NAV1: variants seen among roughly 807,000 people sequenced by gnomAD.
The protein encoded by NAV1 is pore membrane and/or filament interacting like protein 3.
A neutral mutation model predicts 175.2 loss-of-function variants in NAV1; 18 were observed. That is an observed-to-expected ratio of 0.10 (90% confidence interval 0.07 to 0.15). NAV1 has a LOEUF of 0.15. Ranked by LOEUF, NAV1 falls within the 10% of genes least tolerant of loss-of-function variation. The pLI is 1.00. For synonymous variants in NAV1, 897 were observed against 978.7 expected (o/e 0.92, Z 1.56); for missense variants, 1,731 against 2,436.6 (o/e 0.71, Z 6.10).
At chr1:201,762,409 G>A (rs968295287) in intron 3 of NAV1, among the ~76,000 whole-genome samples, 2 of 152,194 alleles carry the variant, frequency 1.3e-5, no homozygotes, top group African/African-American at 4.8e-5. Context: ...GCCAAATCCA[G>A]TCCACTGCCT....
chr1:201,756,128 T>TGGTGTAG, intron 3 of NAV1, among the ~76,000 whole-genome samples: 1 of 121,808 alleles, frequency 8.2e-6, no homozygotes, highest in African/African-American at 3.2e-5. Flanking sequence ...AAAAAAAAAG[T>TGGTGTAG]GGTGTAGGGT....
chr1:201,581,709 A>T (rs973462971), intron 1 of NAV1, among the ~76,000 whole-genome samples: 1 of 151,640 alleles, frequency 6.6e-6, no homozygotes, highest in East Asian at 1.9e-4. Context: ...GGCGCCTGTT[A>T]TCCCAGCTAC....
chr1:201,546,222 C>G (rs953307623), intron 1 of NAV1, among the ~76,000 whole-genome samples: 2 of 152,240 alleles, frequency 1.3e-5, no homozygotes, highest in East Asian at 3.8e-4. Flanking sequence ...CTGGATTGCA[C>G]GGCATACCCT....
chr1:201,739,007 C>A (rs1456078863), intron 3 of NAV1, among the ~76,000 whole-genome samples: 4 of 152,152 alleles, frequency 2.6e-5, no homozygotes, highest in East Asian at 3.9e-4. Context: ...TAATTCCCCC[C>A]ACAGGGCTCC....
At chr1:201,709,672 G>A (rs1295602600) in intron 1 of NAV1, among the ~76,000 whole-genome samples, 1 of 152,160 alleles carries the variant, frequency 6.6e-6, no homozygotes, top group Non-Finnish European at 1.5e-5. Flanking sequence ...GCCACTGCTG[G>A]GGCACAGAGG....
chr1:201,742,164 G>C (rs559941155), intron 3 of NAV1, among the ~76,000 whole-genome samples: 1 of 152,292 alleles, frequency 6.6e-6, no homozygotes, highest in East Asian at 1.9e-4. Context: ...ATTCACAGAG[G>C]GGGAGCTTAG....
Position 201,782,772 on chromosome 1 carries a change from T to C in NAV1, c.2260T>C (p.Ser754Pro), listed in dbSNP as rs1433060234. Residue 754 changes from serine to proline, a missense_variant, in exon 6 of 30, where the codon TCC becomes CCC. Ser to Pro is a moderately conservative substitution (Grantham distance 74). This residue lies in a region of NAV1 where 634 missense variants were observed against 766.8 expected (regional missense o/e 0.83). Transcript: ENST00000367296. The surrounding 1 kb of genome is among the most constrained non-coding windows in gnomAD (Gnocchi z 5.4). ...AGTGGCCTTGGACTCAGACAACATC[T>C]CCTTGAAGAGTATTGGCTCCCCAGA... 1 of 1,613,834 alleles carries C rather than the reference T, an allele frequency of 6.2e-7. No individual in the cohort carries two copies. The highest frequency in any genetic ancestry group is 1.1e-5 in the South Asian group (1 of 91,060).
chr1:201,581,551 G>A (rs552275359), intron 1 of NAV1, among the ~76,000 whole-genome samples: 5 of 152,228 alleles, frequency 3.3e-5, no homozygotes, highest in Admixed American at 6.5e-5. Flanking sequence ...AGCTCCGGCC[G>A]GGCGCGGTGG....
chr1:201,585,515 A>C (rs775894240), intron 1 of NAV1, among the ~76,000 whole-genome samples: 11 of 152,220 alleles, frequency 7.2e-5, no homozygotes, highest in Non-Finnish European at 1.5e-4. Flanking sequence ...AATATTGAGA[A>C]AGTGAAAAGA....
At position 201,810,650 on chromosome 1, in the gene NAV1, C is replaced by A. The variant is rs758904518; in HGVS notation, c.4689C>A (p.Gly1563=). 1.4e-5 allele frequency: 22 copies of A among 1,614,032 alleles called. No individual in the cohort carries two copies. In the Admixed American group the frequency reaches 2.5e-4, roughly 18 times the overall value. Residue 1563 remains glycine (G), a synonymous_variant, in exon 24 of 30, where the codon GGC becomes GGA. Transcript: ENST00000367296. This position sits in a 1 kb window ranked among gnomAD's most constrained non-coding sequence, Gnocchi z 6.0. ...TCCTCTCGGGCCCCAGCGGCACGGGCAAGACCTACCTGACCAATCGCTTGG... is the reference window on the plus strand; with the variant it reads ...TCCTCTCGGGCCCCAGCGGCACGGGAAAGACCTACCTGACCAATCGCTTGG...
At chr1:201,610,277 A>G (rs1667807582) in intron 2 of NAV1, among the ~76,000 whole-genome samples, 1 of 152,226 alleles carries the variant, frequency 6.6e-6, no homozygotes, top group East Asian at 1.9e-4. Context: ...CTGAAAGTGG[A>G]GTCATTCACG....
chr1:201,672,136 T>C (rs767272965), intron 1 of NAV1, among the ~76,000 whole-genome samples: 7 of 146,234 alleles, frequency 4.8e-5, no homozygotes, highest in Non-Finnish European at 1.0e-4. Context: ...GCACTGTATT[T>C]GAAACGTTTT....
intron 2 of NAV1, among the ~76,000 whole-genome samples, chr1:201,631,071 G>A (rs77867567): frequency 0.035 from 5,391 of 152,246 alleles, 127 homozygotes; most frequent in Middle Eastern, 0.12. Flanking sequence ...GGTACCTCTG[G>A]GGGGACAGAG....
chr1:201,616,540 T>C (rs953170437), intron 2 of NAV1, among the ~76,000 whole-genome samples: 1 of 151,990 alleles, frequency 6.6e-6, no homozygotes, highest in African/African-American at 2.4e-5. Flanking sequence ...CAGGCTGGAG[T>C]GCAATAGCGC....
intron 2 of NAV1, among the ~76,000 whole-genome samples, chr1:201,599,111 C>A (rs1488356937): frequency 6.6e-6 from 1 of 152,184 alleles, no homozygotes; most frequent in African/African-American, 2.4e-5. Context: ...ACAGCCTCCC[C>A]ACTTGGGCTT....
At chr1:201,642,736 TTCCC>T (rs889125032) in intron 2 of NAV1, among the ~76,000 whole-genome samples, 12 of 146,400 alleles carry the variant, frequency 8.2e-5, no homozygotes, top group African/African-American at 2.0e-4. Context: ...CCTTCCTTTC[TTCCC>T]TCCCTCCCTC....
intron 3 of NAV1, among the ~76,000 whole-genome samples, chr1:201,748,416 G>A (rs765885303): frequency 9.9e-5 from 15 of 152,150 alleles, no homozygotes; most frequent in East Asian, 1.9e-4. Flanking sequence ...TTTAGAAAGG[G>A]AGATGGAATC....
chr1:201,792,177 G>A (rs1677163352), intron 13 of NAV1: 1 of 151,778 alleles, frequency 6.6e-6, no homozygotes, highest in Admixed American at 6.6e-5. Flanking sequence ...CATCTTAAAG[G>A]CAGATTTTTG....
At chr1:201,688,692 A>G (rs1162399126) in intron 1 of NAV1, among the ~76,000 whole-genome samples, 1 of 152,232 alleles carries the variant, frequency 6.6e-6, no homozygotes, top group Non-Finnish European at 1.5e-5. Context: ...CAACGTAATT[A>G]GTCCAATTAA....
Sources: gnomAD v4.1 joint callset for allele counts (sites outside exome capture counted in the v4.1 genomes callset) on GRCh38, gnomAD v4.1.1 for gene constraint, gnomAD v4.1.1 regional missense constraint, Gnocchi (gnomAD v3.1) non-coding constraint, MANE v1.5 for transcripts, NCBI Gene and HGNC (gene_info 2026-07-23, HGNC 2026-07-21) for gene names.